Variants in ARHGAP21 observed in about 807,000 individuals in gnomAD.
ARHGAP21 encodes the protein rho GTPase-activating protein 21.
ARHGAP21 carries 38 observed loss-of-function variants against 164.6 expected under a neutral mutation model. That is an observed-to-expected ratio of 0.23 (90% CI 0.18 to 0.30). The LOEUF (loss-of-function observed/expected upper bound fraction) is 0.30, where lower values mean the gene tolerates loss of function less well. Ranked by LOEUF, ARHGAP21 falls within the 10% of genes least tolerant of loss-of-function variation. ARHGAP21 has a pLI of 1.00. For missense variants in ARHGAP21, 1,822 were observed against 2,370.7 expected, an observed-to-expected ratio of 0.77 and a Z score of 4.81; for synonymous variants, 766 against 857.9, an observed-to-expected ratio of 0.89 and a Z score of 1.87.
At chr10:24,709,431 AC>A (rs1170966264) in intron 2 of ARHGAP21, among the ~76,000 whole-genome samples, 1 of 152,102 alleles carries the variant, frequency 6.6e-6, no homozygotes, top group Non-Finnish European at 1.5e-5. Flanking sequence ...GGCCAGTATC[AC>A]CCTGATACCA....
intron 11 of ARHGAP21, among the ~76,000 whole-genome samples, chr10:24,605,494 CCCTGTATCTTT>C: frequency 6.6e-6 from 1 of 152,262 alleles, no homozygotes; most frequent in East Asian, 1.9e-4. Context: ...ACAAATCCAA[CCCTGTATCTTT>C]AGGAAAATTC....
chr10:24,614,673 CTTGGGAGACTGAG>C (rs2077400955), intron 9 of ARHGAP21, among the ~76,000 whole-genome samples: 1 of 150,186 alleles, frequency 6.7e-6, no homozygotes, highest in Admixed American at 6.7e-5. Flanking sequence ...ATCCCAGCTA[CTTGGGAGACTGAG>C]GTGGGAGAAT....
At chr10:24,661,161 A>G (rs1292165507) in intron 4 of ARHGAP21, among the ~76,000 whole-genome samples, 1 of 149,632 alleles carries the variant, frequency 6.7e-6, no homozygotes, top group East Asian at 1.9e-4. Context: ...TTATATTATA[A>G]ATTATTATTT....
chr10:24,622,426 TA>T lies in ARHGAP21; in HGVS notation c.525+306del, dbSNP rs1456003172. 1.4e-4 allele frequency among the ~76,000 whole-genome samples: 14 copies of T among 102,414 alleles called. No homozygotes were observed. The Admixed American group carries it at 1.5e-3, about 11-fold the overall frequency. 67.2% of individuals were successfully genotyped at this position (102,414 alleles called of 152,430 possible). A position where few individuals can be genotyped will look rare whatever the true frequency, so the allele number is the denominator to read the frequency against. On this transcript the variant is annotated intron_variant, in intron 8 of 25. Transcript: ENST00000396432. ...AGTGACAGGAAGAGGGTGAGATACT[TA>T]AAAAACATATATATATATATATATA...
At chr10:24,628,971 TATATATA>T (rs1259832875) in intron 7 of ARHGAP21, 27 of 18,944 alleles carry the variant, frequency 1.4e-3, no homozygotes, top group Non-Finnish European at 2.3e-3. Context: ...TATATATATA[TATATATA>T]TATATTTTTT....
Position 24,602,113 on chromosome 10 carries a change from A to C in ARHGAP21, c.2722-10T>G. 1 of 1,610,360 alleles carries C rather than the reference A, an allele frequency of 6.2e-7. No homozygotes were observed. Among genetic ancestry groups the C allele is most frequent in the Non-Finnish European group, 8.5e-7 (1 of 1,178,982 alleles). On this transcript the variant is annotated splice_polypyrimidine_tract_variant and intron_variant, in intron 12 of 25. Transcript: ENST00000396432. ...TTTGGCTGTCTGCGATCTATAGAAAAGACCAAGAAAACAGTAAAATGTCAG... is the reference window on the plus strand; with the variant it reads ...TTTGGCTGTCTGCGATCTATAGAAACGACCAAGAAAACAGTAAAATGTCAG...
intron 4 of ARHGAP21, among the ~76,000 whole-genome samples, chr10:24,666,728 TATA>T (rs928836029): frequency 3.3e-5 from 5 of 152,270 alleles, no homozygotes; most frequent in Admixed American, 1.3e-4. Context: ...TCCTTGGAAT[TATA>T]ATGATATATT....
chr10:24,636,712 C>A (rs1836424449), intron 4 of ARHGAP21, among the ~76,000 whole-genome samples: 2 of 152,170 alleles, frequency 1.3e-5, no homozygotes, highest in South Asian at 4.1e-4. Context: ...CTGAAAGACG[C>A]CCTCCAAAGC....
chr10:24,706,744 C>T (rs1286035982), intron 2 of ARHGAP21: 1 of 152,330 alleles, frequency 6.6e-6, no homozygotes. Flanking sequence ...ACTGGCAGAA[C>T]GACATCATCT....
chr10:24,660,283 C>T (rs185887364), intron 4 of ARHGAP21, among the ~76,000 whole-genome samples: 2 of 144,688 alleles, frequency 1.4e-5, no homozygotes, highest in Admixed American at 1.4e-4. Context: ...ACTTAGGAAG[C>T]TGAGGCAGGA....
At chr10:24,688,260 G>A (rs34872211) in intron 2 of ARHGAP21, among the ~76,000 whole-genome samples, 7,559 of 152,146 alleles carry the variant, frequency 0.05, 288 homozygotes, top group Non-Finnish European at 0.074. Context: ...AAGTGGTGGC[G>A]TGCCATCTGT....
chr10:24,605,093 T>C (rs890791650), intron 11 of ARHGAP21, among the ~76,000 whole-genome samples: 4 of 152,128 alleles, frequency 2.6e-5, no homozygotes, highest in Non-Finnish European at 5.9e-5. Context: ...CAGAAAGATA[T>C]GCAAACTCAA....
intron 2 of ARHGAP21, among the ~76,000 whole-genome samples, chr10:24,713,128 C>T (rs1200617951): frequency 6.6e-6 from 1 of 152,150 alleles, no homozygotes; most frequent in Non-Finnish European, 1.5e-5. Context: ...AAAATCAGGA[C>T]ATATACTCAA....
chr10:24,592,822 T>C lies in ARHGAP21; in HGVS notation c.3877-810A>G, dbSNP rs551397134. On this transcript the variant is annotated intron_variant, in intron 21 of 25. Transcript: ENST00000396432. ...GTGCTGAAAAATACATGAAAGGTTATAGATTTTTCCCTCTAGTACATCAAA... is the reference window on the plus strand; with the variant it reads ...GTGCTGAAAAATACATGAAAGGTTACAGATTTTTCCCTCTAGTACATCAAA... Among the ~76,000 whole-genome samples, 36 of 152,296 alleles carry C rather than the reference T, an allele frequency of 2.4e-4. No individual in the cohort carries two copies. The South Asian group carries it at 4.8e-3, about 20-fold the overall frequency.
At chr10:24,590,173 T>A (rs1292470506) in intron 24 of ARHGAP21, 1 of 1,404,756 alleles carries the variant, frequency 7.1e-7, no homozygotes, top group East Asian at 2.6e-5. Flanking sequence ...CATGGCTAAA[T>A]GCTTTATGAC....
At chr10:24,586,156 T>C (rs769384766) in intron 25 of ARHGAP21, 50 bp from the exon 26 acceptor site, 1 of 1,501,842 alleles carries the variant, frequency 6.7e-7, no homozygotes, top group Non-Finnish European at 8.8e-7. Flanking sequence ...TGCAGCTGAG[T>C]TCATTTTCTG....
chr10:24,690,166 A>G (rs536786378), intron 2 of ARHGAP21, among the ~76,000 whole-genome samples: 113 of 152,178 alleles, frequency 7.4e-4, no homozygotes, highest in African/African-American at 2.7e-3. Context: ...TTTACACTAC[A>G]TTACTACTAC....
At chr10:24,638,376 T>C (rs1836606638) in intron 4 of ARHGAP21, among the ~76,000 whole-genome samples, 1 of 152,264 alleles carries the variant, frequency 6.6e-6, no homozygotes, top group Admixed American at 6.5e-5. Context: ...AAGAGTGTCT[T>C]CTTTTTAAGA....
Position 24,584,981 on chromosome 10 carries a change from T to G in ARHGAP21, c.5308A>C (p.Lys1770Gln). Residue 1770 changes from lysine to glutamine, a missense_variant, in exon 26 of 26, where the codon AAA becomes CAA. By Grantham distance (53) the Lys-to-Gln change is moderately conservative (BLOSUM62 1). Around this residue, in one of 5 missense-constraint regions of ARHGAP21, gnomAD observed 117 missense variants for 193.2 expected, o/e 0.61. Coordinates refer to ENST00000396432, the MANE Select transcript of ARHGAP21 (RefSeq NM_020824.4). ...TCCGCAGGGGCTCTGGGTCTCAGTT[T>G]TAACCGATCTGCTATTTTCGTTTTC... ...TWKTKIADRLKLRPRAPADDM... is the reference protein window; with the variant it reads ...TWKTKIADRLQLRPRAPADDM... The G allele has an allele frequency of 6.2e-7, 1 of 1,613,992 alleles. No homozygotes were observed. The highest frequency in any genetic ancestry group is 8.5e-7 in the Non-Finnish European group (1 of 1,179,870).
Sources: gnomAD v4.1 joint callset for allele counts (sites outside exome capture counted in the v4.1 genomes callset) on GRCh38, gnomAD v4.1.1 for gene constraint, gnomAD v4.1.1 regional missense constraint, MANE v1.5 for transcripts, NCBI Gene and HGNC (gene_info 2026-07-23, HGNC 2026-07-21) for gene names.